Variants in PREP observed in about 807,000 individuals in gnomAD.
The protein encoded by PREP is dJ355L5.1 (prolyl endopeptidase).
PREP carries 29 observed loss-of-function variants against 87.6 expected under a neutral mutation model. The observed-to-expected ratio is 0.33, with a 90% confidence interval of 0.25 to 0.45. The LOEUF is 0.45. Ranked by LOEUF, PREP falls within the 20% of genes least tolerant of loss-of-function variation. The pLI is 1.00. For missense variants in PREP, 695 were observed against 886.5 expected (o/e 0.78, Z 2.74); for synonymous variants, 337 against 328.6 (o/e 1.03, Z -0.28).
intron 10 of PREP, among the ~76,000 whole-genome samples, chr6:105,290,813 G>A (rs1455817699): frequency 1.3e-5 from 2 of 152,184 alleles, no homozygotes; most frequent in Non-Finnish European, 2.9e-5. Flanking sequence ...AAGTTGGTGT[G>A]GTTCTAATGC....
chr6:105,402,192 T>G (rs1380027133), intron 1 of PREP, among the ~76,000 whole-genome samples: 1 of 152,124 alleles, frequency 6.6e-6, no homozygotes, highest in Non-Finnish European at 1.5e-5. Flanking sequence ...TCAACTCCTT[T>G]TCTTGTTTAA....
intron 6 of PREP, among the ~76,000 whole-genome samples, chr6:105,362,544 A>T (rs1772281389): frequency 6.6e-6 from 1 of 152,198 alleles, no homozygotes; most frequent in African/African-American, 2.4e-5. Context: ...TTGATCAACA[A>T]ATCCAACATG....
chr6:105,328,746 A>T (rs942248825), intron 9 of PREP, 83 bp downstream of exon 9: 21 of 1,415,002 alleles, frequency 1.5e-5, no homozygotes, highest in Non-Finnish European at 2.1e-5. Flanking sequence ...TCAATAACAT[A>T]GCATTATACT....
rs559106596 is a variant in PREP at position 105,395,738 on chromosome 6, A to G, written c.120+2115T>C. 7.4e-4 allele frequency among the ~76,000 whole-genome samples: 112 copies of G among 152,348 alleles called. 1 individual carries two copies. The highest frequency in any genetic ancestry group is 2.6e-3 in the African/African-American group (110 of 41,598). The stretch of plus-strand genomic sequence containing the variant: ...CAAAGTATACATTCACTAACAGATA[A>G]AACCTGGGTCATTTTGACAGTGCTA... On this transcript the variant is annotated intron_variant, in intron 2 of 14. Transcript: ENST00000652536.
At chr6:105,356,569 T>C (rs1583078246) in intron 6 of PREP, among the ~76,000 whole-genome samples, 1 of 152,242 alleles carries the variant, frequency 6.6e-6, no homozygotes, top group Admixed American at 6.5e-5. Context: ...TCAGTCTCCC[T>C]GATTTCCAAT....
At chr6:105,306,757 G>A (rs541983612) in intron 10 of PREP, among the ~76,000 whole-genome samples, 7 of 109,556 alleles carry the variant, frequency 6.4e-5, no homozygotes, top group South Asian at 3.2e-4. Flanking sequence ...CACCATCCCC[G>A]CCCCCACCAC....
chr6:105,306,736 TCCA>T (rs201207461), intron 10 of PREP, among the ~76,000 whole-genome samples: 2 of 151,800 alleles, frequency 1.3e-5, no homozygotes, highest in Non-Finnish European at 2.9e-5. Context: ...CATGGGCTCC[TCCA>T]CCACCACCAC....
chr6:105,320,250 TC>T (rs1163986358), intron 10 of PREP, among the ~76,000 whole-genome samples: 1 of 152,252 alleles, frequency 6.6e-6, no homozygotes, highest in African/African-American at 2.4e-5. Flanking sequence ...AAAACTGAAT[TC>T]TTATCTGTGT....
intron 2 of PREP, among the ~76,000 whole-genome samples, chr6:105,392,872 C>T (rs1038647817): frequency 3.9e-5 from 6 of 152,182 alleles, no homozygotes; most frequent in South Asian, 2.1e-4. Context: ...CCACCGCAGC[C>T]GGCCCCATGC....
chr6:105,397,534 T>C (rs1181676459), intron 2 of PREP, among the ~76,000 whole-genome samples: 1 of 152,210 alleles, frequency 6.6e-6, no homozygotes, highest in Non-Finnish European at 1.5e-5. Context: ...TTAACATCAT[T>C]TCTATCTAGG....
chr6:105,312,360 G>T (rs548563233), intron 10 of PREP, among the ~76,000 whole-genome samples: 1 of 152,348 alleles, frequency 6.6e-6, no homozygotes, highest in Admixed American at 6.5e-5. Context: ...TGCTCTTAAA[G>T]ACAGAATTAA....
chr6:105,362,406 A>T (rs924475476), intron 6 of PREP, among the ~76,000 whole-genome samples: 2 of 152,220 alleles, frequency 1.3e-5, no homozygotes, highest in Admixed American at 6.5e-5. Flanking sequence ...GGTCGCAGGG[A>T]GCCAGGATCA....
At chr6:105,350,136 G>A (rs747883329) in intron 7 of PREP, among the ~76,000 whole-genome samples, 8 of 151,600 alleles carry the variant, frequency 5.3e-5, no homozygotes, top group Non-Finnish European at 8.8e-5. Flanking sequence ...TGTTTTTTTG[G>A]TGTCCTCAAT....
intron 1 of PREP, among the ~76,000 whole-genome samples, chr6:105,402,402 G>A (rs1309565698): frequency 1.3e-5 from 2 of 149,606 alleles, no homozygotes; most frequent in Non-Finnish European, 2.9e-5. Flanking sequence ...GTTTGTTTTC[G>A]TTTTTAAATG....
At chr6:105,380,589 A>G (rs1355956409) in intron 2 of PREP, among the ~76,000 whole-genome samples, 1 of 152,166 alleles carries the variant, frequency 6.6e-6, no homozygotes, top group Non-Finnish European at 1.5e-5. Context: ...TAAAAGGGGC[A>G]GGAACAACCA....
At chr6:105,388,107 C>T (rs1322360981) in intron 2 of PREP, among the ~76,000 whole-genome samples, 2 of 152,190 alleles carry the variant, frequency 1.3e-5, no homozygotes, top group Non-Finnish European at 2.9e-5. Context: ...GCCCTCCCTT[C>T]TAAGTGGAGC....
chr6:105,328,472 T>C (rs1771232167), intron 9 of PREP, among the ~76,000 whole-genome samples: 1 of 152,106 alleles, frequency 6.6e-6, no homozygotes, highest in Non-Finnish European at 1.5e-5. Flanking sequence ...CCCAGGATGG[T>C]CTCAATCTCT....
chr6:105,340,826 A>C lies in PREP; in HGVS notation c.824-7321T>G, dbSNP rs551634293. Among the ~76,000 whole-genome samples, 40 of 152,344 alleles carry C rather than the reference A, an allele frequency of 2.6e-4. 1 individual carries two copies. The highest frequency in any genetic ancestry group is 6.8e-3 in the Middle Eastern group (2 of 294). ...ACATAATGGTAAAGGGATCAATTCA[A>C]CAAGAAGAGCTAACTATCCTAAATA... On this transcript the variant is annotated intron_variant, in intron 7 of 14. Transcript: ENST00000652536.
intron 2 of PREP, among the ~76,000 whole-genome samples, 199 bp from the exon 3 acceptor site, chr6:105,377,718 A>G (rs1409661359): frequency 6.6e-6 from 1 of 152,226 alleles, no homozygotes; most frequent in Non-Finnish European, 1.5e-5. Flanking sequence ...ATATGTAGTA[A>G]CAACCAATGC....
Sources: gnomAD v4.1 joint callset for allele counts (sites outside exome capture counted in the v4.1 genomes callset) on GRCh38, gnomAD v4.1.1 for gene constraint, MANE v1.5 for transcripts, NCBI Gene and HGNC (gene_info 2026-07-23, HGNC 2026-07-21) for gene names.